Variants in SLC14A2 observed in about 807,000 individuals in gnomAD.
The protein encoded by SLC14A2 is solute carrier family 14 member 2.
SLC14A2 carries 91 observed loss-of-function variants against 104.6 expected under a neutral mutation model. The ratio of observed to expected loss-of-function variants is 0.87; its 90% CI spans 0.73 to 1.04. The LOEUF (loss-of-function observed/expected upper bound fraction) is 1.04. Among genes scored for constraint, SLC14A2 ranks in the 50% least tolerant of loss-of-function variants. The pLI is 0.00. For synonymous variants in SLC14A2, 476 were observed against 466.4 expected (o/e 1.02, Z -0.27); for missense variants, 1,189 against 1,156.0 (o/e 1.03, Z -0.41).
At chr18:45,201,304 G>A in the SLC14A2 span, among the ~76,000 whole-genome samples, 1 of 152,218 alleles carries the variant, frequency 6.6e-6, no homozygotes, top group South Asian at 2.1e-4. Context: ...CTTAAAGAGT[G>A]GGGAGTTATG....
intron 2 of SLC14A2, among the ~76,000 whole-genome samples, chr18:45,590,235 G>A (rs1436148922): frequency 1.3e-5 from 2 of 152,174 alleles, no homozygotes; most frequent in Non-Finnish European, 2.9e-5. Flanking sequence ...TTCCATCAAA[G>A]CATGTCCCTT....
chr18:45,620,219 C>A (rs1045637517), intron 1 of SLC14A2, among the ~76,000 whole-genome samples: 1 of 152,218 alleles, frequency 6.6e-6, no homozygotes, highest in African/African-American at 2.4e-5. Context: ...AGGCCCTGGA[C>A]CCAGGCGCTC....
chr18:45,340,665 A>C (rs1287082704), intron 1 of SLC14A2, among the ~76,000 whole-genome samples: 1 of 152,228 alleles, frequency 6.6e-6, no homozygotes, highest in African/African-American at 2.4e-5. Flanking sequence ...AGAGATTCTG[A>C]ATTGAAAGCA....
At chr18:45,233,928 A>G (rs983272092) in intron 1 of SLC14A2, among the ~76,000 whole-genome samples, 14 of 151,868 alleles carry the variant, frequency 9.2e-5, no homozygotes, top group African/African-American at 3.4e-4. Context: ...AGAGCTACCT[A>G]TCAGAAAAGT....
chr18:45,643,243 G>A (rs2045560885), intron 9 of SLC14A2, 62 bp downstream of exon 9: 4 of 1,423,634 alleles, frequency 2.8e-6, no homozygotes, highest in Non-Finnish European at 4.0e-6. Flanking sequence ...CTGGACATAT[G>A]GGGTTGTGGG....
At chr18:45,416,428 A>G (rs753541617) in intron 1 of SLC14A2, among the ~76,000 whole-genome samples, 3 of 152,136 alleles carry the variant, frequency 2.0e-5, no homozygotes, top group Non-Finnish European at 4.4e-5. Flanking sequence ...TTGGCTAAAC[A>G]GCAGGATTTT....
At chr18:45,544,526 T>C (rs1398893150) in intron 2 of SLC14A2, among the ~76,000 whole-genome samples, 2 of 152,088 alleles carry the variant, frequency 1.3e-5, no homozygotes, top group Non-Finnish European at 2.9e-5. Flanking sequence ...AACATCAAAC[T>C]TTTTGGATGA....
chr18:45,210,924 T>C (rs1300637022), upstream of SLC14A2, among the ~76,000 whole-genome samples: 3 of 152,318 alleles, frequency 2.0e-5, no homozygotes, highest in South Asian at 2.1e-4. Context: ...ACTTCAAATA[T>C]TCTCTAACAC....
intron 1 of SLC14A2, among the ~76,000 whole-genome samples, chr18:45,330,336 A>G (rs2085276620): frequency 6.6e-6 from 1 of 152,210 alleles, no homozygotes; most frequent in South Asian, 2.1e-4. Context: ...TTGGTCACAG[A>G]CAATTGGTCA....
chr18:45,682,452 A>G lies in SLC14A2; in HGVS notation c.2696A>G (p.Tyr899Cys). Residue 899 changes from tyrosine to cysteine, a missense_variant, in exon 20 of 20, where the codon TAC (tyrosine) becomes TGC (cysteine). Coordinates refer to ENST00000255226, the MANE Select transcript of SLC14A2 (RefSeq NM_007163.4). Reference sequence around the variant, plus strand: ...TACCCAGAGGCCAACCGCATCTACTACCTGTCCCAGGAGAGAAACAGAAGG... The same window carrying G: ...TACCCAGAGGCCAACCGCATCTACTGCCTGTCCCAGGAGAGAAACAGAAGG... ...VTYPEANRIY[Y>C]LSQERNRRAS... The G allele has an allele frequency of 1.9e-6, 3 of 1,614,110 alleles. 1 individual carries two copies. The highest frequency in any genetic ancestry group is 3.3e-4 in the Middle Eastern group (2 of 6,062).
chr18:45,668,328 T>C, intron 14 of SLC14A2, 21 bp from the exon 15 acceptor site: 2 of 1,613,448 alleles, frequency 1.2e-6, no homozygotes, highest in Non-Finnish European at 1.7e-6. Context: ...CTGCTCCACC[T>C]GACCCTCCCT....
chr18:45,391,154 C>T (rs1318496853), intron 1 of SLC14A2, among the ~76,000 whole-genome samples: 1 of 152,066 alleles, frequency 6.6e-6, no homozygotes, highest in African/African-American at 2.4e-5. Context: ...TGTTCAATTC[C>T]CACCTATGAG....
chr18:45,517,160 T>C (rs1042496803), intron 2 of SLC14A2, among the ~76,000 whole-genome samples: 3 of 152,182 alleles, frequency 2.0e-5, no homozygotes, highest in African/African-American at 7.2e-5. Flanking sequence ...CTCCATCTTG[T>C]GGGCTTCATG....
At chr18:45,540,623 T>C (rs1190368812) in intron 2 of SLC14A2, among the ~76,000 whole-genome samples, 1 of 152,104 alleles carries the variant, frequency 6.6e-6, no homozygotes, top group Non-Finnish European at 1.5e-5. Flanking sequence ...AGGGCGCCTA[T>C]AATCCCAGCT....
the SLC14A2 span, among the ~76,000 whole-genome samples, chr18:45,171,262 A>G: frequency 7.2e-5 from 11 of 152,130 alleles, no homozygotes; most frequent in African/African-American, 2.7e-4. Context: ...TGACAACTCT[A>G]GTCAGGGGAG....
intron 1 of SLC14A2, among the ~76,000 whole-genome samples, chr18:45,441,723 G>A (rs2086685099): frequency 6.6e-6 from 1 of 152,186 alleles, no homozygotes; most frequent in Non-Finnish European, 1.5e-5. Flanking sequence ...AGCATTTTAG[G>A]TTTAATCTTG....
chr18:45,417,871 C>T (rs980453207), intron 1 of SLC14A2, among the ~76,000 whole-genome samples: 1 of 152,018 alleles, frequency 6.6e-6, no homozygotes, highest in Non-Finnish European at 1.5e-5. Flanking sequence ...TTTTAAGTTC[C>T]CACCTAGTCA....
the SLC14A2 span, among the ~76,000 whole-genome samples, chr18:45,179,446 T>G: frequency 6.6e-6 from 1 of 152,120 alleles, no homozygotes; most frequent in Non-Finnish European, 1.5e-5. Context: ...TCTGGCAGTT[T>G]CTTAATGCAC....
intron 18 of SLC14A2, among the ~76,000 whole-genome samples, chr18:45,677,756 T>C (rs1395033849): frequency 6.6e-6 from 1 of 152,238 alleles, no homozygotes; most frequent in Non-Finnish European, 1.5e-5. Context: ...ATGAAACCCA[T>C]TGACAGCCCC....
Sources: gnomAD v4.1 joint callset for allele counts (sites outside exome capture counted in the v4.1 genomes callset) on GRCh38, gnomAD v4.1.1 for gene constraint, MANE v1.5 for transcripts, NCBI Gene and HGNC (gene_info 2026-07-23, HGNC 2026-07-21) for gene names.